Variants in SHISAL2B observed in about 807,000 individuals in gnomAD.
SHISAL2B encodes the protein protein shisa-like-2B.
SHISAL2B carries 12 observed loss-of-function variants against 16.5 expected under a neutral mutation model. The ratio of observed to expected loss-of-function variants is 0.73; its 90% CI spans 0.47 to 1.18. The LOEUF (loss-of-function observed/expected upper bound fraction) is 1.18. SHISAL2B is among the 50% of genes most tolerant of loss of function. The probability of loss-of-function intolerance (pLI) is 0.00; values close to 1 mark genes in which losing one functional copy is unlikely to be tolerated. For missense variants in SHISAL2B, 183 were observed against 193.6 expected, an observed-to-expected ratio of 0.95 and a Z score of 0.33; for synonymous variants, 72 against 75.0, an observed-to-expected ratio of 0.96 and a Z score of 0.21.
chr5:64,714,944 A>C (rs1052689433), intron 2 of SHISAL2B, among the ~76,000 whole-genome samples: 1 of 152,160 alleles, frequency 6.6e-6, no homozygotes, highest in East Asian at 1.9e-4. Flanking sequence ...ACTGTCTGGC[A>C]CTCCCTAGTG....
chr5:64,717,763 A>G, intron 2 of SHISAL2B, 126 bp from the exon 3 acceptor site: 2 of 794,524 alleles, frequency 2.5e-6, no homozygotes, highest in Non-Finnish European at 3.8e-6. Flanking sequence ...ATTCTCACTC[A>G]TACACATAGC....
At chr5:64,716,584 GT>G (rs927839837) in intron 2 of SHISAL2B, among the ~76,000 whole-genome samples, 3 of 152,044 alleles carry the variant, frequency 2.0e-5, no homozygotes, top group African/African-American at 7.2e-5. Flanking sequence ...TTTAAGTAAT[GT>G]TTTGGGTAGG....
At chr5:64,706,985 A>C (rs1052465272) in intron 2 of SHISAL2B, among the ~76,000 whole-genome samples, 6 of 152,200 alleles carry the variant, frequency 3.9e-5, no homozygotes, top group African/African-American at 1.4e-4. Context: ...TGTAGAAAAT[A>C]ATAAAAATTG....
intron 2 of SHISAL2B, among the ~76,000 whole-genome samples, chr5:64,710,348 G>T (rs1741941078): frequency 9.1e-6 from 1 of 109,780 alleles, no homozygotes. Context: ...GATAATTGTA[G>T]GTATGCGGCG....
At chr5:64,693,175 T>C (rs1321049013) in intron 1 of SHISAL2B, among the ~76,000 whole-genome samples, 2 of 151,942 alleles carry the variant, frequency 1.3e-5, no homozygotes, top group Non-Finnish European at 2.9e-5. Context: ...GCCTGGCTAA[T>C]TTTTTGTATT....
At chr5:64,696,741 C>G (rs1423266199) in intron 2 of SHISAL2B, among the ~76,000 whole-genome samples, 2 of 152,156 alleles carry the variant, frequency 1.3e-5, no homozygotes, top group African/African-American at 2.4e-5. Context: ...GTTCTCTGCT[C>G]TCGAACCCTG....
At chr5:64,690,908 C>G in intron 1 of SHISAL2B, 94 bp downstream of exon 1, 2 of 1,121,366 alleles carry the variant, frequency 1.8e-6, no homozygotes, top group Non-Finnish European at 2.4e-6. Flanking sequence ...GGTTCCCCCG[C>G]GTCCCCGCTA....
intron 2 of SHISAL2B, among the ~76,000 whole-genome samples, chr5:64,716,541 A>G (rs1394877795): frequency 6.6e-6 from 1 of 152,186 alleles, no homozygotes; most frequent in Non-Finnish European, 1.5e-5. Context: ...GGAGGACAGA[A>G]GGGGTTGGTG....
intron 2 of SHISAL2B, among the ~76,000 whole-genome samples, chr5:64,707,529 A>G (rs528939939): frequency 3.3e-4 from 51 of 152,356 alleles, no homozygotes; most frequent in African/African-American, 1.2e-3. Context: ...AAGCCTTGGT[A>G]AAACAACCAG....
At chr5:64,708,573 AT>A in intron 2 of SHISAL2B, among the ~76,000 whole-genome samples, 1 of 152,158 alleles carries the variant, frequency 6.6e-6, no homozygotes, top group Non-Finnish European at 1.5e-5. Context: ...ACAATGCCTG[AT>A]TTTTTAATCA....
chr5:64,718,165 A>T lies in SHISAL2B; in HGVS notation c.*143A>T. The T allele has an allele frequency of 1.7e-6, 1 of 597,252 alleles. No individual in the cohort carries two copies. The highest frequency in any genetic ancestry group is 1.9e-5 in the African/African-American group (1 of 51,472). The allele number at this position is 597,252 out of a possible 1,614,324, so 37.0% of individuals were successfully genotyped here. The stretch of plus-strand genomic sequence containing the variant: ...CAGCTGCATTTTTGATCATTCAGTT[A>T]CTTTATTAAACGCACATTAAGGTTT... On this transcript the variant is annotated 3_prime_UTR_variant, in exon 3 of 3. Coordinates refer to ENST00000389074, the MANE Select transcript of SHISAL2B (RefSeq NM_001164442.2).
At chr5:64,714,702 CG>C (rs1189777087) in intron 2 of SHISAL2B, among the ~76,000 whole-genome samples, 1 of 152,162 alleles carries the variant, frequency 6.6e-6, no homozygotes, top group Admixed American at 6.5e-5. Flanking sequence ...ATTCCGTGGG[CG>C]TAGGACCCTC....
intron 2 of SHISAL2B, among the ~76,000 whole-genome samples, chr5:64,707,023 A>G (rs918031330): frequency 2.1e-4 from 32 of 152,226 alleles, no homozygotes; most frequent in African/African-American, 7.7e-4. Context: ...CTAGAATCTA[A>G]TAACAGGTGT....
chr5:64,705,592 G>T (rs1196009055), intron 2 of SHISAL2B, among the ~76,000 whole-genome samples: 1 of 152,028 alleles, frequency 6.6e-6, no homozygotes, highest in Non-Finnish European at 1.5e-5. Context: ...TTAAATCTTT[G>T]ATCTTTTATC....
At chr5:64,690,857 G>A (rs973007761) in intron 1 of SHISAL2B, 43 bp downstream of exon 1, 1 of 1,445,628 alleles carries the variant, frequency 6.9e-7, no homozygotes, top group South Asian at 1.4e-5. Flanking sequence ...CCGAGCCCGG[G>A]GCTAGGGAGG....
In SHISAL2B at chr5:64,695,552, C is replaced by T. The variant is rs1425054574; in HGVS notation, c.237C>T (p.Leu79=). Residue 79 remains leucine (L), a synonymous_variant, in exon 2 of 3, where the codon CTC becomes CTT. Transcript: ENST00000389074. The part of the protein sequence containing the change: ...IGLGIAALVL[L]AFVISVCVLC... ...TAGGAATTGCTGCCCTTGTTTTACT[C>T]GCCTTTGTCATCAGTGTCTGTGTCC... is the stretch of plus-strand genomic sequence containing the variant. 2.0e-5 allele frequency: 31 copies of T among 1,536,020 alleles called. No homozygotes were observed. The highest frequency in any genetic ancestry group is 4.8e-5 in the South Asian group (4 of 83,866).
chr5:64,700,281 G>C (rs1368697313), intron 2 of SHISAL2B, among the ~76,000 whole-genome samples: 1 of 152,166 alleles, frequency 6.6e-6, no homozygotes, highest in Non-Finnish European at 1.5e-5. Context: ...AATGTATACA[G>C]TTGTCCCTCA....
At chr5:64,696,982 T>C (rs1276509217) in intron 2 of SHISAL2B, among the ~76,000 whole-genome samples, 1 of 152,186 alleles carries the variant, frequency 6.6e-6, no homozygotes, top group Non-Finnish European at 1.5e-5. Context: ...TTTAAAGTCC[T>C]TAGTAAAAAC....
Position 64,690,842 on chromosome 5 carries a change from G to C in SHISAL2B, c.191+28G>C, listed in dbSNP as rs1561372637. ...GGGCTGAGAGCCCGCGCGTGCGGCG[G>C]CTGGCCGAGCCCGGGGCTAGGGAGG... On this transcript the variant is annotated intron_variant, in intron 1 of 2. Coordinates refer to ENST00000389074, the MANE Select transcript of SHISAL2B (RefSeq NM_001164442.2). 4 of 1,477,428 alleles carry C rather than the reference G, an allele frequency of 2.7e-6. No individual in the cohort carries two copies. In the East Asian group the frequency reaches 7.7e-5, roughly 29 times the overall value. 91.5% of individuals were successfully genotyped at this position (1,477,428 alleles called of 1,614,324 possible). A position where few individuals can be genotyped will look rare whatever the true frequency, so the allele number is the denominator to read the frequency against.
Sources: gnomAD v4.1 joint callset for allele counts (sites outside exome capture counted in the v4.1 genomes callset) on GRCh38, gnomAD v4.1.1 for gene constraint, MANE v1.5 for transcripts, NCBI Gene and HGNC (gene_info 2026-07-23, HGNC 2026-07-21) for gene names.